The following ZPBP variants were observed in gnomAD, a reference collection of about 807,000 sequenced individuals.
ZPBP encodes zona pellucida binding protein.
In ZPBP, 26 loss-of-function variants were observed where a neutral mutation model predicts 44.8. The observed-to-expected ratio is 0.58, with a 90% confidence interval of 0.43 to 0.81. The LOEUF is 0.81. Ranked by LOEUF, ZPBP falls within the 30% of genes least tolerant of loss-of-function variation. The pLI is 0.00. For missense variants in ZPBP, 409 were observed against 434.0 expected, an observed-to-expected ratio of 0.94 and a Z score of 0.51; for synonymous variants, 174 against 153.2, an observed-to-expected ratio of 1.14 and a Z score of -1.00.
At chr7:49,908,632 A>T (rs1460445336) in intron 1 of ZPBP, among the ~76,000 whole-genome samples, 1 of 152,036 alleles carries the variant, frequency 6.6e-6, no homozygotes, top group African/African-American at 2.4e-5. Context: ...CCCAGTCAGT[A>T]TACTACACGT....
intron 2 of ZPBP, among the ~76,000 whole-genome samples, chr7:49,880,849 C>T (rs1791632160): frequency 1.3e-5 from 2 of 152,042 alleles, no homozygotes; most frequent in Admixed American, 1.3e-4. Flanking sequence ...TCATTTTTGC[C>T]TATGACATGG....
chr7:49,884,385 G>A (rs1392451627), intron 2 of ZPBP, among the ~76,000 whole-genome samples: 2 of 152,186 alleles, frequency 1.3e-5, no homozygotes, highest in Admixed American at 1.3e-4. Flanking sequence ...AGGAGAACAG[G>A]AGATAAAGTC....
In ZPBP at chr7:50,069,703, T is replaced by C. The variant is rs139475531; in HGVS notation, c.335-11562A>G. On this transcript the variant is annotated intron_variant, in intron 3 of 7. Transcript: ENST00000046087. ...CTCCAAAAGGGTTGGTTTTGATGCT[T>C]TCCCTCCTATTTCCTCCCTTGCAAC... Among the ~76,000 whole-genome samples the C allele has an allele frequency of 5.9e-5, 9 of 152,240 alleles. No individual in the cohort carries two copies. The East Asian group carries it at 1.5e-3, about 26-fold the overall frequency.
At chr7:49,938,647 G>A (rs1383993496) in intron 7 of ZPBP, among the ~76,000 whole-genome samples, 1 of 152,108 alleles carries the variant, frequency 6.6e-6, no homozygotes, top group African/African-American at 2.4e-5. Context: ...TGTGGATAAG[G>A]GGATGGCTAT....
At chr7:49,862,784 T>G (rs1165306448) in intron 2 of ZPBP, among the ~76,000 whole-genome samples, 1 of 152,184 alleles carries the variant, frequency 6.6e-6, no homozygotes, top group Non-Finnish European at 1.5e-5. Flanking sequence ...TTAATTTTTG[T>G]AGGTTGAATC....
intron 3 of ZPBP, among the ~76,000 whole-genome samples, chr7:50,064,478 A>G (rs1035576771): frequency 2.0e-5 from 3 of 152,190 alleles, no homozygotes; most frequent in African/African-American, 7.2e-5. Flanking sequence ...TGGGAGCACT[A>G]TGGGAGACTG....
At chr7:49,875,364 T>C (rs1423790161) in intron 2 of ZPBP, among the ~76,000 whole-genome samples, 1 of 12,184 alleles carries the variant, frequency 8.2e-5, no homozygotes, top group Admixed American at 9.3e-4. Context: ...AGTGAGATTC[T>C]GACTCAAAAA....
chr7:49,991,316 CTT>C (rs1276919519), intron 6 of ZPBP, among the ~76,000 whole-genome samples: 2 of 152,066 alleles, frequency 1.3e-5, no homozygotes, highest in Non-Finnish European at 2.9e-5. Flanking sequence ...TTGTCCCTCT[CTT>C]GTTAGGAACA....
chr7:50,050,463 G>A (rs1800630325), intron 4 of ZPBP, among the ~76,000 whole-genome samples: 1 of 151,984 alleles, frequency 6.6e-6, no homozygotes, highest in Non-Finnish European at 1.5e-5. Context: ...ATCTTCAACT[G>A]ATTTTTGACA....
At chr7:50,033,811 G>A (rs1799709887) in intron 4 of ZPBP, among the ~76,000 whole-genome samples, 1 of 152,028 alleles carries the variant, frequency 6.6e-6, no homozygotes, top group East Asian at 1.9e-4. Flanking sequence ...TCCCGCCTCA[G>A]CCTCCCAAGT....
intron 7 of ZPBP, among the ~76,000 whole-genome samples, chr7:49,940,973 A>C (rs1306735908): frequency 6.6e-6 from 1 of 152,178 alleles, no homozygotes; most frequent in Non-Finnish European, 1.5e-5. Flanking sequence ...CTTAGAGAAG[A>C]AGATATCTAA....
chr7:49,901,016 C>A (rs1346955162), intron 2 of ZPBP: 2 of 151,714 alleles, frequency 1.3e-5, no homozygotes, highest in African/African-American at 4.8e-5. Context: ...AAAGACCTGA[C>A]AAAATCTAAC....
rs188986964 is a variant in ZPBP at position 49,890,697 on chromosome 7, T to G, written n.509+10421A>C. On this transcript the variant is annotated intron_variant and non_coding_transcript_variant, in intron 2 of 2. Coordinates refer to the ZPBP transcript ENST00000465922. ...CACTACTGAGAACAAATCTAAGGGA[T>G]AGAATGCACACACATTAAAACACAA... Among the ~76,000 whole-genome samples, 10 of 145,706 alleles carry G rather than the reference T, an allele frequency of 6.9e-5. No individual in the cohort carries two copies. The East Asian group carries it at 2.0e-3, about 29-fold the overall frequency.
intron 7 of ZPBP, chr7:49,943,437 G>C (rs1478842584): frequency 4.7e-6 from 2 of 426,616 alleles, no homozygotes; most frequent in Non-Finnish European, 4.5e-6. Context: ...AAACTTTCTT[G>C]GAACACTATG....
At chr7:49,992,352 G>A (rs1229579935) in intron 6 of ZPBP, among the ~76,000 whole-genome samples, 1 of 151,946 alleles carries the variant, frequency 6.6e-6, no homozygotes, top group Admixed American at 6.6e-5. Context: ...AAATATATAA[G>A]CTTAAAATGG....
At chr7:49,954,494 C>T (rs1369950772) in intron 7 of ZPBP, among the ~76,000 whole-genome samples, 1 of 152,096 alleles carries the variant, frequency 6.6e-6, no homozygotes, top group Non-Finnish European at 1.5e-5. Context: ...TTATCAAGAA[C>T]TTTGCAAATT....
chr7:50,060,131 A>T (rs1256634905), intron 3 of ZPBP, among the ~76,000 whole-genome samples: 2 of 152,164 alleles, frequency 1.3e-5, no homozygotes, highest in Non-Finnish European at 1.5e-5. Context: ...GCCCACTCTC[A>T]CTATGGAACT....
chr7:50,047,106 G>A (rs2128821773), intron 4 of ZPBP, among the ~76,000 whole-genome samples: 1 of 152,206 alleles, frequency 6.6e-6, no homozygotes, highest in East Asian at 1.9e-4. Context: ...GAGAACACAT[G>A]GACACAGGGA....
intron 7 of ZPBP, among the ~76,000 whole-genome samples, chr7:49,956,915 G>A (rs980955309): frequency 6.6e-6 from 1 of 152,204 alleles, no homozygotes; most frequent in Non-Finnish European, 1.5e-5. Context: ...AATGAAGACA[G>A]TGTTTGCTAT....
Sources: allele counts gnomAD v4.1 joint callset (sites outside exome capture counted in the v4.1 genomes callset), GRCh38; gene constraint gnomAD v4.1.1; transcripts MANE v1.5; gene names NCBI Gene and HGNC (gene_info 2026-07-23, HGNC 2026-07-21).